Variants in MBD5 observed in about 807,000 individuals in gnomAD.
MBD5 encodes methyl-CpG binding domain protein 5, also known as methyl-CpG-binding domain protein 5.
In MBD5, 13 loss-of-function variants were observed where a neutral mutation model predicts 117.3. The observed-to-expected ratio is 0.11, with a 90% confidence interval of 0.07 to 0.18. MBD5 has a LOEUF of 0.18. Among genes scored for constraint, MBD5 ranks in the 10% least tolerant of loss-of-function variants. The pLI is 1.00. For missense variants in MBD5, 1,879 were observed against 2,093.8 expected (o/e 0.90, Z 2.00); for synonymous variants, 727 against 766.4 (o/e 0.95, Z 0.85).
At chr2:148,025,664 A>G (rs1693871646) in intron 1 of MBD5, 2 of 152,018 alleles carry the variant, frequency 1.3e-5, no homozygotes, top group African/African-American at 4.8e-5. Flanking sequence ...AAGACATTGT[A>G]CATTTTCATT....
chr2:148,465,428 A>G (rs1707230654), intron 7 of MBD5, among the ~76,000 whole-genome samples: 1 of 152,172 alleles, frequency 6.6e-6, no homozygotes, highest in Non-Finnish European at 1.5e-5. Context: ...CTAATGTTTG[A>G]ATATTAATTC....
chr2:148,377,880 ACTT>A (rs1278450291), intron 4 of MBD5, among the ~76,000 whole-genome samples: 1 of 152,316 alleles, frequency 6.6e-6, no homozygotes, highest in East Asian at 1.9e-4. Flanking sequence ...TGAACTTTGT[ACTT>A]CAGAAATTTG....
chr2:148,334,592 C>A (rs1702740616), intron 3 of MBD5, among the ~76,000 whole-genome samples: 1 of 152,074 alleles, frequency 6.6e-6, no homozygotes, highest in African/African-American at 2.4e-5. Context: ...CCTTGATTTG[C>A]CAAAGCACTA....
chr2:148,110,420 A>G (rs989805442), intron 1 of MBD5, among the ~76,000 whole-genome samples: 2 of 152,182 alleles, frequency 1.3e-5, no homozygotes, highest in African/African-American at 2.4e-5. Flanking sequence ...GTATTTCCAA[A>G]TGTTTAAGAC....
rs112234948 is a variant in MBD5, at chr2:148,288,261, G to A, written c.-679-53953G>A. On this transcript the variant is annotated intron_variant, in intron 3 of 13. Coordinates refer to ENST00000642680, the MANE Select transcript of MBD5 (RefSeq NM_001378120.1). ...TAAAAATACAAAAAATTAGCCGGGCGTAGTGGCGGGCGCCTGTAGTCCCAG... is the reference window on the plus strand; with the variant it reads ...TAAAAATACAAAAAATTAGCCGGGCATAGTGGCGGGCGCCTGTAGTCCCAG... Among the ~76,000 whole-genome samples the A allele has an allele frequency of 6.6e-3, 791 of 118,984 alleles. 12 individuals carry two copies. The highest frequency in any genetic ancestry group is 0.022 in the African/African-American group (736 of 33,252). The allele number at this position is 118,984 out of a possible 152,430, so 78.1% of individuals were successfully genotyped here.
intron 1 of MBD5, among the ~76,000 whole-genome samples, chr2:148,032,853 C>T (rs1573932335): frequency 6.6e-6 from 1 of 151,826 alleles, no homozygotes. Flanking sequence ...CATTGGAAAC[C>T]AGTCAACGTA....
At chr2:148,090,299 CA>C (rs914854987) in intron 1 of MBD5, among the ~76,000 whole-genome samples, 2 of 151,920 alleles carry the variant, frequency 1.3e-5, no homozygotes, top group African/African-American at 4.8e-5. Context: ...GAAACCATTC[CA>C]AAAGATAAAG....
intron 3 of MBD5, among the ~76,000 whole-genome samples, chr2:148,314,035 C>G (rs1455063949): frequency 6.6e-6 from 1 of 151,880 alleles, no homozygotes; most frequent in Non-Finnish European, 1.5e-5. Flanking sequence ...AAATCACCCG[C>G]CTTCTGCATT....
intron 2 of MBD5, among the ~76,000 whole-genome samples, chr2:148,223,278 C>G (rs980840618): frequency 6.6e-6 from 1 of 151,876 alleles, no homozygotes; most frequent in African/African-American, 2.4e-5. Context: ...ATACTGGGCT[C>G]ATAGAATGAG....
chr2:148,466,791 A>G (rs1707275541), intron 7 of MBD5, among the ~76,000 whole-genome samples: 1 of 152,128 alleles, frequency 6.6e-6, no homozygotes, highest in African/African-American at 2.4e-5. Context: ...TAAAATCAGA[A>G]ATTCCACATT....
chr2:148,092,001 A>T (rs1384720822), intron 1 of MBD5, among the ~76,000 whole-genome samples: 2 of 152,220 alleles, frequency 1.3e-5, no homozygotes, highest in Non-Finnish European at 2.9e-5. Context: ...TCAGCAAAGG[A>T]TATAAATAGA....
intron 1 of MBD5, among the ~76,000 whole-genome samples, chr2:148,097,683 C>A (rs1310101173): frequency 6.6e-6 from 1 of 152,174 alleles, no homozygotes; most frequent in Non-Finnish European, 1.5e-5. Flanking sequence ...GGAAGCCAGC[C>A]TGGGCAATGT....
chr2:148,509,616 A>T (rs529203734), intron 12 of MBD5, among the ~76,000 whole-genome samples: 2 of 152,202 alleles, frequency 1.3e-5, no homozygotes, highest in African/African-American at 2.4e-5. Context: ...GAGAGGACAG[A>T]GGGAGCTCCC....
intron 2 of MBD5, among the ~76,000 whole-genome samples, chr2:148,207,894 A>T (rs1011441889): frequency 6.6e-6 from 1 of 152,216 alleles, no homozygotes; most frequent in South Asian, 2.1e-4. Context: ...ACCCTAAAGC[A>T]TGTTGTTTGT....
At chr2:148,443,402 C>A (rs1018342320) in intron 4 of MBD5, among the ~76,000 whole-genome samples, 2 of 151,234 alleles carry the variant, frequency 1.3e-5, no homozygotes, top group African/African-American at 4.9e-5. Context: ...GGTAGATACC[C>A]AAAAGAATGG....
At position 148,470,168 on chromosome 2, in the gene MBD5, C is replaced by T; in HGVS notation, c.2225C>T (p.Pro742Leu). 6.2e-7 allele frequency: 1 copy of T among 1,613,912 alleles called. No homozygotes were observed. Among genetic ancestry groups the T allele is most frequent in the Non-Finnish European group, 8.5e-7 (1 of 1,179,906 alleles). The change falls in exon 8 of 14, where the codon CCC becomes CTC. Residue 742 changes from proline (P) to leucine (L), a missense_variant. Pro to Leu is a moderately conservative substitution (Grantham distance 98). Transcript: ENST00000642680. ...CSANQLHFTD[P>L]SMNSSVLQNI... ...GCTAACCAGCTGCATTTTACAGATC[C>T]CAGTATGAACTCTAGTGTTCTTCAG...
intron 3 of MBD5, among the ~76,000 whole-genome samples, chr2:148,332,579 T>C (rs1702686741): frequency 6.6e-6 from 1 of 152,230 alleles, no homozygotes; most frequent in Non-Finnish European, 1.5e-5. Flanking sequence ...TATAGGATTC[T>C]GGTTTGTAAT....
intron 1 of MBD5, among the ~76,000 whole-genome samples, chr2:148,151,732 G>A (rs1467850072): frequency 1.3e-5 from 2 of 152,242 alleles, no homozygotes; most frequent in East Asian, 3.9e-4. Context: ...TTTGTGTAGA[G>A]GTGTTTGTAG....
In MBD5 at chr2:148,353,330, C is replaced by T. The variant is rs759411751; in HGVS notation, c.-557+10994C>T. Among the ~76,000 whole-genome samples, 9 of 152,148 alleles carry T rather than the reference C, an allele frequency of 5.9e-5. No individual in the cohort carries two copies. The South Asian group carries it at 6.2e-4, about 11-fold the overall frequency. ...TGTGTTTAAATCAGATTAAAACATG[C>T]GCATGGTTAAAATAAATGGTCCTTT... On this transcript the variant is annotated intron_variant, in intron 4 of 13. Transcript: ENST00000642680.
Sources: allele counts gnomAD v4.1 joint callset (sites outside exome capture counted in the v4.1 genomes callset), GRCh38; gene constraint gnomAD v4.1.1; transcripts MANE v1.5; gene names NCBI Gene and HGNC (gene_info 2026-07-23, HGNC 2026-07-21).